The following FAM227B variants were observed in gnomAD, a reference collection of about 807,000 sequenced individuals.
FAM227B encodes family with sequence similarity 227 member B.
Under a neutral mutation model 73.8 loss-of-function variants are expected in FAM227B, and 88 were observed. The ratio of observed to expected loss-of-function variants is 1.19; its 90% CI spans 1.00 to 1.42. The LOEUF is 1.42. Among genes scored for constraint, FAM227B ranks in the 40% most tolerant of loss-of-function variants. The probability of loss-of-function intolerance (pLI) is 0.00; values close to 1 mark genes in which losing one functional copy is unlikely to be tolerated. For synonymous variants in FAM227B, 210 were observed against 190.5 expected (o/e 1.10, Z -0.84); for missense variants, 632 against 590.9 (o/e 1.07, Z -0.72).
At chr15:49,350,375 G>A (rs1338150332) in intron 13 of FAM227B, among the ~76,000 whole-genome samples, 1 of 152,130 alleles carries the variant, frequency 6.6e-6, no homozygotes, top group Non-Finnish European at 1.5e-5. Flanking sequence ...ATAAATACCT[G>A]TGTGCACATA....
In FAM227B at chr15:49,480,264, T is replaced by C. The variant is rs560866968; in HGVS notation, c.1012+27947A>G. On this transcript the variant is annotated intron_variant, in intron 11 of 15. Transcript: ENST00000299338. ...ATTTTTGGTATCCTTAACCCTAATA[T>C]GTGGAGGGATAAGATTAAAAATGTT... Among the ~76,000 whole-genome samples, 289 of 152,296 alleles carry C rather than the reference T, an allele frequency of 1.9e-3. 2 individuals carry two copies. The highest frequency in any genetic ancestry group is 6.5e-3 in the African/African-American group (270 of 41,568).
chr15:49,547,640 A>C (rs1003665856), intron 9 of FAM227B, among the ~76,000 whole-genome samples: 1 of 152,224 alleles, frequency 6.6e-6, no homozygotes, highest in African/African-American at 2.4e-5. Context: ...CTAGTCTCTG[A>C]TAAAACAGAC....
At chr15:49,364,822 G>C (rs735495) in intron 13 of FAM227B, among the ~76,000 whole-genome samples, 90,423 of 151,540 alleles carry the variant, frequency 0.6, 27,309 homozygotes, top group Non-Finnish European at 0.63. Flanking sequence ...AGAAACATTT[G>C]AGTAAAAAAG....
intron 9 of FAM227B, among the ~76,000 whole-genome samples, chr15:49,563,021 T>C (rs1307594368): frequency 6.6e-6 from 1 of 151,956 alleles, no homozygotes; most frequent in African/African-American, 2.4e-5. Flanking sequence ...GAAAAAGAAA[T>C]AAAAGGCATA....
chr15:49,539,502 G>T (rs1480476089), intron 10 of FAM227B, among the ~76,000 whole-genome samples: 1 of 152,178 alleles, frequency 6.6e-6, no homozygotes, highest in African/African-American at 2.4e-5. Flanking sequence ...TCCAGGGTCT[G>T]GGGCAGTAGG....
At chr15:49,457,124 C>A (rs995987321) in intron 11 of FAM227B, among the ~76,000 whole-genome samples, 1 of 151,994 alleles carries the variant, frequency 6.6e-6, no homozygotes, top group African/African-American at 2.4e-5. Flanking sequence ...GTTTGGGTTT[C>A]ATTTCATGAA....
chr15:49,386,625 C>A (rs2046900819), intron 11 of FAM227B, among the ~76,000 whole-genome samples: 1 of 151,244 alleles, frequency 6.6e-6, no homozygotes, highest in African/African-American at 2.4e-5. Context: ...AAACCTGAAG[C>A]TAGAAGAAAA....
intron 11 of FAM227B, among the ~76,000 whole-genome samples, chr15:49,407,621 A>G (rs1375753439): frequency 1.4e-5 from 2 of 148,144 alleles, no homozygotes; most frequent in East Asian, 3.9e-4. Context: ...ATTCGTACTA[A>G]TATATATGTA....
Position 49,497,438 on chromosome 15 carries a change from C to T in FAM227B, c.1012+10773G>A, listed in dbSNP as rs1312486057. Among the ~76,000 whole-genome samples, 4 of 152,284 alleles carry T rather than the reference C, an allele frequency of 2.6e-5. No homozygotes were observed. The East Asian group carries it at 5.8e-4, about 22-fold the overall frequency. On this transcript the variant is annotated intron_variant, in intron 11 of 15. Coordinates refer to ENST00000299338, the MANE Select transcript of FAM227B (RefSeq NM_152647.3). ...GAGCCAAGCCCCTTTGCAATGATTT[C>T]CTATAGGATAGGAATGTTTCAGTTT...
intron 11 of FAM227B, among the ~76,000 whole-genome samples, chr15:49,378,453 T>G (rs2046312355): frequency 6.6e-6 from 1 of 151,668 alleles, no homozygotes; most frequent in Admixed American, 6.6e-5. Context: ...ATTTTTCCAA[T>G]ATTTCTATTT....
chr15:49,492,892 T>G (rs910870469), intron 11 of FAM227B, among the ~76,000 whole-genome samples: 3 of 151,866 alleles, frequency 2.0e-5, no homozygotes, highest in East Asian at 3.9e-4. Context: ...AATAGCATGG[T>G]CTTCTACATA....
At chr15:49,558,433 G>T (rs1356307132) in intron 9 of FAM227B, among the ~76,000 whole-genome samples, 2 of 152,162 alleles carry the variant, frequency 1.3e-5, no homozygotes, top group Non-Finnish European at 2.9e-5. Context: ...CCCCACAGCT[G>T]CCAGTCTCCA....
intron 11 of FAM227B, among the ~76,000 whole-genome samples, chr15:49,387,104 A>G (rs914745894): frequency 7.2e-5 from 11 of 151,878 alleles, no homozygotes; most frequent in African/African-American, 2.7e-4. Flanking sequence ...AACTATTCCA[A>G]AAGATTGAGA....
chr15:49,424,164 G>C, intron 11 of FAM227B: 1 of 742,516 alleles, frequency 1.3e-6, no homozygotes, highest in South Asian at 2.1e-5. Context: ...CTAACAATTT[G>C]GAAAGAGCAA....
At chr15:49,393,944 G>A (rs1412650878) in intron 11 of FAM227B, among the ~76,000 whole-genome samples, 2 of 152,158 alleles carry the variant, frequency 1.3e-5, no homozygotes, top group Admixed American at 1.3e-4. Flanking sequence ...GCATGGGGAA[G>A]GACAGACTGG....
rs146268849 is a variant in FAM227B at position 49,439,277 on chromosome 15, GGA to G, written c.1013-67880_1013-67879del. ...TTCAGACTGAGCAATGAGAGGGGTA[GGA>G]GAGAGAGAGAGAGAGGGAGGGAGAA... On this transcript the variant is annotated intron_variant, in intron 11 of 15. Coordinates refer to ENST00000299338, the MANE Select transcript of FAM227B (RefSeq NM_152647.3). Among the ~76,000 whole-genome samples the G allele has an allele frequency of 5.4e-4, 80 of 148,982 alleles. No homozygotes were observed. In the South Asian group the frequency reaches 0.011, roughly 20 times the overall value.
chr15:49,614,947 C>T lies in FAM227B; in HGVS notation c.51+174G>A, dbSNP rs556938332. On this transcript the variant is annotated intron_variant, in intron 2 of 15. Transcript: ENST00000299338. Reference sequence around the variant, plus strand: ...GCAGCACCCTATTAAAGCTTTCTTCCTTGGCAATACTCATCTCAGTGATTG... The same window carrying T: ...GCAGCACCCTATTAAAGCTTTCTTCTTTGGCAATACTCATCTCAGTGATTG... 6 of 650,382 alleles carry T rather than the reference C, an allele frequency of 9.2e-6. No individual in the cohort carries two copies. The South Asian group carries it at 1.1e-4, about 12-fold the overall frequency. The allele number at this position is 650,382 out of a possible 1,614,324, so 40.3% of individuals were successfully genotyped here.
chr15:49,554,807 T>C (rs1366804968), intron 9 of FAM227B, among the ~76,000 whole-genome samples: 1 of 152,202 alleles, frequency 6.6e-6, no homozygotes. Flanking sequence ...TCTGTGTAGA[T>C]AGTTGTTAAC....
chr15:49,581,121 A>T (rs2075781776), intron 5 of FAM227B, among the ~76,000 whole-genome samples: 1 of 152,204 alleles, frequency 6.6e-6, no homozygotes, highest in Non-Finnish European at 1.5e-5. Flanking sequence ...GGAAACACAG[A>T]GAGAACCCTT....
Sources: allele counts gnomAD v4.1 joint callset (sites outside exome capture counted in the v4.1 genomes callset), GRCh38; gene constraint gnomAD v4.1.1; transcripts MANE v1.5; gene names NCBI Gene and HGNC (gene_info 2026-07-23, HGNC 2026-07-21).